The following RAB38 variants were observed in gnomAD, a reference collection of about 807,000 sequenced individuals.
RAB38 encodes the protein RAB38, member RAS oncogene family.
In RAB38, 15 loss-of-function variants were observed where a neutral mutation model predicts 18.4. That is an observed-to-expected ratio of 0.82 (90% CI 0.55 to 1.26). The LOEUF (loss-of-function observed/expected upper bound fraction) is 1.26. Among genes scored for constraint, RAB38 ranks in the 50% most tolerant of loss-of-function variants. The pLI is 0.00. For missense variants in RAB38, 294 were observed against 267.4 expected (o/e 1.10, Z -0.69); for synonymous variants, 101 against 104.4 (o/e 0.97, Z 0.20).
At chr11:87,942,795 C>T in the RAB38 span, among the ~76,000 whole-genome samples, 2 of 152,216 alleles carry the variant, frequency 1.3e-5, no homozygotes, top group Admixed American at 6.5e-5. Flanking sequence ...GAGGAATGTC[C>T]ACAAGTCTGT....
At chr11:87,853,717 T>G in the RAB38 span, among the ~76,000 whole-genome samples, 1 of 152,220 alleles carries the variant, frequency 6.6e-6, no homozygotes, top group African/African-American at 2.4e-5. Context: ...AGTCTTGAAT[T>G]TGATAGAAAT....
chr11:88,090,173 A>G, the RAB38 span, among the ~76,000 whole-genome samples: 4 of 151,988 alleles, frequency 2.6e-5, no homozygotes, highest in Non-Finnish European at 5.9e-5. Context: ...GTATAATTGT[A>G]AAATAGCGTT....
chr11:88,023,551 T>TA, the RAB38 span, among the ~76,000 whole-genome samples: 2 of 151,858 alleles, frequency 1.3e-5, no homozygotes, highest in African/African-American at 4.8e-5. Flanking sequence ...AAAAAAATAC[T>TA]AAAATTTCTA....
At chr11:87,894,689 A>G in the RAB38 span, among the ~76,000 whole-genome samples, 6 of 151,110 alleles carry the variant, frequency 4.0e-5, 1 homozygote, top group South Asian at 2.1e-4. Flanking sequence ...TGTGGGACAT[A>G]TGCTGAGTGC....
At chr11:87,933,212 G>A in the RAB38 span, among the ~76,000 whole-genome samples, 2 of 152,134 alleles carry the variant, frequency 1.3e-5, no homozygotes, top group Admixed American at 1.3e-4. Flanking sequence ...CTCAGGTAGA[G>A]ATGCTACAAC....
the RAB38 span, among the ~76,000 whole-genome samples, chr11:87,914,177 C>T: frequency 2.0e-5 from 3 of 151,524 alleles, no homozygotes; most frequent in South Asian, 2.1e-4. Flanking sequence ...GATGAGGACT[C>T]GGAAGAACAC....
chr11:87,942,195 A>G, the RAB38 span, among the ~76,000 whole-genome samples: 10 of 152,330 alleles, frequency 6.6e-5, no homozygotes, highest in African/African-American at 2.2e-4. Context: ...TCTCAAATGT[A>G]AAAGAAAATC....
At chr11:88,027,396 G>A in the RAB38 span, among the ~76,000 whole-genome samples, 30 of 152,298 alleles carry the variant, frequency 2.0e-4, no homozygotes, top group African/African-American at 7.0e-4. Flanking sequence ...CGTGCACCGT[G>A]TGCGAGCCTA....
At chr11:87,910,633 C>CTTTTTTTTTTTTTTTTTTTTTT in the RAB38 span, among the ~76,000 whole-genome samples, 1 of 131,104 alleles carries the variant, frequency 7.6e-6, no homozygotes, top group Non-Finnish European at 1.5e-5. Flanking sequence ...AGTTCATTTT[C>CTTTTTTTTTTTTTTTTTTTTTT]TTTTTTTTTT....
the RAB38 span, among the ~76,000 whole-genome samples, chr11:88,069,931 A>G: frequency 1.3e-5 from 2 of 152,188 alleles, no homozygotes; most frequent in East Asian, 1.9e-4. Context: ...AAACGCACCA[A>G]TCAGCACCCT....
the RAB38 span, among the ~76,000 whole-genome samples, chr11:87,891,492 T>G: frequency 6.6e-6 from 1 of 151,922 alleles, no homozygotes; most frequent in East Asian, 2.0e-4. Flanking sequence ...GAAATGGGTT[T>G]TGCTCTTTCC....
chr11:87,816,825 T>C, the RAB38 span, among the ~76,000 whole-genome samples: 2 of 152,114 alleles, frequency 1.3e-5, no homozygotes, highest in Non-Finnish European at 2.9e-5. Flanking sequence ...AATGCAGATA[T>C]GGGTGACCCA....
the RAB38 span, chr11:88,098,812 G>A: frequency 6.6e-6 from 1 of 151,862 alleles, no homozygotes; most frequent in Non-Finnish European, 1.5e-5. Flanking sequence ...CATCCTATAT[G>A]TTGCTTATAC....
chr11:87,894,439 G>A, the RAB38 span, among the ~76,000 whole-genome samples: 1 of 151,640 alleles, frequency 6.6e-6, no homozygotes, highest in Non-Finnish European at 1.5e-5. Context: ...ACATGCCACA[G>A]ATTCCCTGGG....
chr11:87,872,991 C>T, the RAB38 span, among the ~76,000 whole-genome samples: 1 of 151,490 alleles, frequency 6.6e-6, no homozygotes, highest in Admixed American at 6.6e-5. Context: ...ATTACTGAAT[C>T]GCATAGTAAA....
At chr11:87,873,922 G>GTGTATGTATATA in the RAB38 span, among the ~76,000 whole-genome samples, 5 of 103,122 alleles carry the variant, frequency 4.8e-5, no homozygotes, top group African/African-American at 1.9e-4. Context: ...GTGTGTGTGT[G>GTGTATGTATATA]TATATATATA....
the RAB38 span, among the ~76,000 whole-genome samples, chr11:87,950,198 T>C: frequency 6.6e-6 from 1 of 152,214 alleles, no homozygotes; most frequent in Non-Finnish European, 1.5e-5. Context: ...TATCAGAGAC[T>C]AGGATTGCAA....
chr11:87,876,528 T>C, the RAB38 span, among the ~76,000 whole-genome samples: 1 of 151,548 alleles, frequency 6.6e-6, no homozygotes, highest in African/African-American at 2.4e-5. Flanking sequence ...TCTCACCTAA[T>C]AAAAATGTTA....
At chr11:88,125,361 C>T (rs1333372632) in intron 2 of RAB38, among the ~76,000 whole-genome samples, 1 of 152,178 alleles carries the variant, frequency 6.6e-6, no homozygotes, top group African/African-American at 2.4e-5. Context: ...TTATTCCCAT[C>T]TCTATCTGTA....
Sources: allele counts gnomAD v4.1 joint callset (sites outside exome capture counted in the v4.1 genomes callset), GRCh38; gene constraint gnomAD v4.1.1; transcripts MANE v1.5; gene names NCBI Gene and HGNC (gene_info 2026-07-23, HGNC 2026-07-21).